Variants in TAFA2 observed in about 807,000 individuals in gnomAD.
The protein encoded by TAFA2 is TAFA chemokine like family member 2.
In TAFA2, 7 loss-of-function variants were observed where a neutral mutation model predicts 18.8. The ratio of observed to expected loss-of-function variants is 0.37; its 90% CI spans 0.21 to 0.70. TAFA2 has a LOEUF of 0.70. Ranked by LOEUF, TAFA2 falls within the 30% of genes least tolerant of loss-of-function variation. The pLI is 0.53. For missense variants in TAFA2, 122 were observed against 158.1 expected, an observed-to-expected ratio of 0.77 and a Z score of 1.23; for synonymous variants, 60 against 54.2, an observed-to-expected ratio of 1.11 and a Z score of -0.47.
intron 1 of TAFA2, among the ~76,000 whole-genome samples, chr12:61,872,548 G>T (rs1407815547): frequency 6.6e-6 from 1 of 151,792 alleles, no homozygotes; most frequent in Non-Finnish European, 1.5e-5. Context: ...TTAAAATCCC[G>T]GAATTTACCT....
At chr12:62,227,974 T>C (rs916308541) in intron 1 of TAFA2, among the ~76,000 whole-genome samples, 2 of 152,198 alleles carry the variant, frequency 1.3e-5, no homozygotes, top group African/African-American at 4.8e-5. Context: ...TATGTATATG[T>C]TTTTATGTGG....
At chr12:62,065,244 G>A (rs746118143) in intron 1 of TAFA2, among the ~76,000 whole-genome samples, 5 of 151,990 alleles carry the variant, frequency 3.3e-5, no homozygotes, top group African/African-American at 1.2e-4. Flanking sequence ...GAAAAAGCTC[G>A]TTAAGGTGAT....
chr12:61,852,201 C>T (rs1345993770), intron 2 of TAFA2, among the ~76,000 whole-genome samples: 9 of 134,660 alleles, frequency 6.7e-5, no homozygotes, highest in South Asian at 2.3e-4. Flanking sequence ...AGCGAAACTT[C>T]GTCTCAAAAA....
In TAFA2 at chr12:61,710,309, G is replaced by A. The variant is rs1869334754; in HGVS notation, c.*97C>T. ...AGACTATTGAGCGCCTCTTTCAAGTGGTATAAAAATCTTCAAGATCACCTC... is the reference window on the plus strand; with the variant it reads ...AGACTATTGAGCGCCTCTTTCAAGTAGTATAAAAATCTTCAAGATCACCTC... On this transcript the variant is annotated 3_prime_UTR_variant, in exon 5 of 5. Transcript: ENST00000416284. The A allele has an allele frequency of 9.0e-7, 1 of 1,111,026 alleles. No individual in the cohort carries two copies. Among genetic ancestry groups the A allele is most frequent in the South Asian group, 1.3e-5 (1 of 78,338 alleles). The allele number at this position is 1,111,026 out of a possible 1,614,324, so 68.8% of individuals were successfully genotyped here. A position where few individuals can be genotyped will look rare whatever the true frequency, so the allele number is the denominator to read the frequency against.
chr12:62,153,702 A>G (rs184240179), intron 1 of TAFA2, among the ~76,000 whole-genome samples: 299 of 152,148 alleles, frequency 2.0e-3, no homozygotes, highest in Non-Finnish European at 3.1e-3. Flanking sequence ...TGTGTGCTAT[A>G]AATAAAGCAA....
chr12:62,214,674 C>T (rs1244402238), intron 1 of TAFA2, among the ~76,000 whole-genome samples: 1 of 152,012 alleles, frequency 6.6e-6, no homozygotes, highest in African/African-American at 2.4e-5. Flanking sequence ...CCCTTGTGCC[C>T]GTGGACACAG....
chr12:61,724,899 T>C (rs1409741073), intron 4 of TAFA2, among the ~76,000 whole-genome samples: 1 of 148,700 alleles, frequency 6.7e-6, no homozygotes, highest in African/African-American at 2.5e-5. Flanking sequence ...CTCCACACTG[T>C]TTTGCATAGT....
In TAFA2 at chr12:62,011,015, G is replaced by A. The variant is rs1488972711; in HGVS notation, c.-1-143589C>T. On this transcript the variant is annotated intron_variant, in intron 1 of 4. Transcript: ENST00000416284. Reference sequence around the variant, plus strand: ...CCACCCCGTCTGGGAAGTGGGGGGCGCCTCTGCCCGGCCACCCCATCTGGG... The same window carrying A: ...CCACCCCGTCTGGGAAGTGGGGGGCACCTCTGCCCGGCCACCCCATCTGGG... 1.2e-4 allele frequency among the ~76,000 whole-genome samples: 17 copies of A among 140,962 alleles called. 1 individual carries two copies. Among genetic ancestry groups the A allele is most frequent in the South Asian group, 4.6e-4 (2 of 4,368 alleles). 92.5% of individuals were successfully genotyped at this position (140,962 alleles called of 152,430 possible). A position where few individuals can be genotyped will look rare whatever the true frequency, so the allele number is the denominator to read the frequency against.
chr12:62,167,957 A>C (rs1339728207), intron 1 of TAFA2, among the ~76,000 whole-genome samples: 2 of 152,230 alleles, frequency 1.3e-5, no homozygotes, highest in Non-Finnish European at 2.9e-5. Context: ...AAATACATGA[A>C]ATATGGCTAA....
Position 61,753,749 on chromosome 12 carries a change from A to AT in TAFA2, c.260-4dup. ...CCATTTCTGTTCCACTATTGAAGCT[A>AT]TAAGAGAGAAAAAAAATTGACTCAA... On this transcript the variant is annotated splice_region_variant and splice_polypyrimidine_tract_variant and intron_variant, in intron 3 of 4. Transcript: ENST00000416284. 6.3e-7 allele frequency: 1 copy of AT among 1,596,898 alleles called. No homozygotes were observed. Among genetic ancestry groups the AT allele is most frequent in the Non-Finnish European group, 8.5e-7 (1 of 1,173,014 alleles).
intron 1 of TAFA2, among the ~76,000 whole-genome samples, chr12:62,210,115 G>A (rs2062707520): frequency 6.6e-6 from 1 of 152,016 alleles, no homozygotes; most frequent in African/African-American, 2.4e-5. Context: ...GAACCCAGGA[G>A]GCGGAGCTTG....
intron 1 of TAFA2, among the ~76,000 whole-genome samples, chr12:62,178,758 G>C (rs968844200): frequency 6.6e-6 from 1 of 152,212 alleles, no homozygotes; most frequent in Non-Finnish European, 1.5e-5. Flanking sequence ...GCCTCGAAGG[G>C]AGATTATTTT....
chr12:62,011,881 A>T (rs1444783113), intron 1 of TAFA2, among the ~76,000 whole-genome samples: 1 of 152,178 alleles, frequency 6.6e-6, no homozygotes, highest in Non-Finnish European at 1.5e-5. Flanking sequence ...CCTCATCTGT[A>T]AAATAGAGCT....
chr12:62,039,903 C>T (rs1199253206), intron 1 of TAFA2, among the ~76,000 whole-genome samples: 1 of 152,148 alleles, frequency 6.6e-6, no homozygotes, highest in Non-Finnish European at 1.5e-5. Flanking sequence ...ATTTGCATAT[C>T]CAAAAATCTC....
At chr12:61,800,160 G>C (rs1290138723) in intron 2 of TAFA2, among the ~76,000 whole-genome samples, 1 of 152,150 alleles carries the variant, frequency 6.6e-6, no homozygotes, top group African/African-American at 2.4e-5. Flanking sequence ...AATATAATTA[G>C]TCATAGTAAT....
intron 1 of TAFA2, among the ~76,000 whole-genome samples, chr12:61,867,786 T>C (rs1232057990): frequency 6.6e-6 from 1 of 152,170 alleles, no homozygotes; most frequent in Non-Finnish European, 1.5e-5. Flanking sequence ...ATAAATGCCT[T>C]ATTATTTTAC....
chr12:62,137,657 C>T (rs1051182299), intron 1 of TAFA2, among the ~76,000 whole-genome samples: 1 of 152,108 alleles, frequency 6.6e-6, no homozygotes, highest in African/African-American at 2.4e-5. Flanking sequence ...TCCCCACCAC[C>T]TCCACTCCAA....
At chr12:62,109,424 C>A (rs948095878) in intron 1 of TAFA2, among the ~76,000 whole-genome samples, 4 of 152,020 alleles carry the variant, frequency 2.6e-5, no homozygotes, top group Non-Finnish European at 5.9e-5. Flanking sequence ...GATGCCTCCA[C>A]CTTTGTTATT....
chr12:61,804,989 G>A (rs1871550934), intron 2 of TAFA2, among the ~76,000 whole-genome samples: 1 of 151,706 alleles, frequency 6.6e-6, no homozygotes, highest in African/African-American at 2.4e-5. Context: ...AAACAGCAAA[G>A]CAAGCTTTGC....
Sources: gnomAD v4.1 joint callset for allele counts (sites outside exome capture counted in the v4.1 genomes callset) on GRCh38, gnomAD v4.1.1 for gene constraint, MANE v1.5 for transcripts, NCBI Gene and HGNC (gene_info 2026-07-23, HGNC 2026-07-21) for gene names.